The following EPHB1 variants were observed in gnomAD, a reference collection of about 807,000 sequenced individuals.
The protein encoded by EPHB1 is ephrin type-B receptor 1.
EPHB1 carries 30 observed loss-of-function variants against 94.4 expected under a neutral mutation model. The observed-to-expected ratio is 0.32, with a 90% confidence interval of 0.24 to 0.43. The LOEUF (loss-of-function observed/expected upper bound fraction) is 0.43. Among genes scored for constraint, EPHB1 ranks in the 20% least tolerant of loss-of-function variants. The probability of loss-of-function intolerance (pLI) is 1.00; values close to 1 mark genes in which losing one functional copy is unlikely to be tolerated. For missense variants in EPHB1, 1,055 were observed against 1,308.3 expected, an observed-to-expected ratio of 0.81 and a Z score of 2.99; for synonymous variants, 522 against 489.1, an observed-to-expected ratio of 1.07 and a Z score of -0.89.
intron 1 of EPHB1, among the ~76,000 whole-genome samples, chr3:134,851,958 C>A (rs2036994607): frequency 6.6e-6 from 1 of 152,194 alleles, no homozygotes; most frequent in Non-Finnish European, 1.5e-5. Context: ...GATCTTAATG[C>A]ATCCTTCTTT....
At position 135,162,197 on chromosome 3, in the gene EPHB1, G is replaced by A. The variant is rs955263724; in HGVS notation, c.1585+17G>A. ...TGACTGACGGTAAGGGTCGGGGAGG[G>A]CAGTGGCATAATCACAGGGCAGGCA... On this transcript the variant is annotated intron_variant, in intron 7 of 15. Transcript: ENST00000398015. The A allele has an allele frequency of 3.2e-6, 5 of 1,581,056 alleles. No homozygotes were observed. The African/African-American group carries it at 6.8e-5, about 21-fold the overall frequency.
intron 3 of EPHB1, among the ~76,000 whole-genome samples, chr3:134,982,947 C>T (rs551251225): frequency 7.9e-5 from 12 of 152,334 alleles, no homozygotes; most frequent in South Asian, 6.2e-4. Context: ...CAGCCTGACC[C>T]TGCATGCCCA....
In EPHB1 at chr3:135,187,670, C is replaced by T. The variant is rs774294431; in HGVS notation, c.1883-4906C>T. Among the ~76,000 whole-genome samples, 8 of 152,216 alleles carry T rather than the reference C, an allele frequency of 5.3e-5. No individual in the cohort carries two copies. The South Asian group carries it at 1.2e-3, about 24-fold the overall frequency. On this transcript the variant is annotated intron_variant, in intron 10 of 15. Transcript: ENST00000398015. ...CTATAAGGCTGTAGGTTGTGGTGTG[C>T]TCAAGGGCCAGAAACCCAGACTTTA... is the stretch of plus-strand genomic sequence containing the variant.
chr3:134,803,230 T>C (rs776483327), intron 1 of EPHB1, among the ~76,000 whole-genome samples: 2 of 152,212 alleles, frequency 1.3e-5, no homozygotes, highest in Non-Finnish European at 2.9e-5. Flanking sequence ...CCCCTCCCAC[T>C]TCCTGGCAGC....
rs549377689 is a variant in EPHB1, at chr3:134,909,400, T to C, written c.59-16416T>C. Among the ~76,000 whole-genome samples, 7 of 152,322 alleles carry C rather than the reference T, an allele frequency of 4.6e-5. No homozygotes were observed. In the South Asian group the frequency reaches 1.4e-3, roughly 32 times the overall value. ...AGCAAGCGGAGACTGCGTGACCACC[T>C]GGGTAGGGTGCTGTGGCCAAGGCTC... is the stretch of plus-strand genomic sequence containing the variant. On this transcript the variant is annotated intron_variant, in intron 1 of 15. Coordinates refer to ENST00000398015, the MANE Select transcript of EPHB1 (RefSeq NM_004441.5).
chr3:135,086,047 G>A (rs1938349183), intron 3 of EPHB1, among the ~76,000 whole-genome samples: 1 of 152,122 alleles, frequency 6.6e-6, no homozygotes, highest in Non-Finnish European at 1.5e-5. Context: ...AGAGAAGAAA[G>A]AAGCTTCCTA....
intron 12 of EPHB1, among the ~76,000 whole-genome samples, chr3:135,229,690 C>T (rs748443114): frequency 3.2e-4 from 49 of 152,172 alleles, no homozygotes; most frequent in Non-Finnish European, 5.9e-4. Flanking sequence ...TAAGCAGGGG[C>T]CAGTCTCCAT....
chr3:134,938,407 C>T (rs1393872530), intron 2 of EPHB1, among the ~76,000 whole-genome samples: 2 of 152,190 alleles, frequency 1.3e-5, no homozygotes, highest in Admixed American at 6.5e-5. Context: ...CTTCAGAGCT[C>T]GTGCCCTGCT....
At chr3:135,043,263 T>A (rs1010752912) in intron 3 of EPHB1, among the ~76,000 whole-genome samples, 1 of 148,084 alleles carries the variant, frequency 6.8e-6, no homozygotes, top group Non-Finnish European at 1.5e-5. Flanking sequence ...AAATAATAAA[T>A]AATAATAATA....
chr3:134,917,416 A>G (rs1380422281), intron 1 of EPHB1, among the ~76,000 whole-genome samples: 1 of 152,172 alleles, frequency 6.6e-6, no homozygotes, highest in African/African-American at 2.4e-5. Flanking sequence ...GGAGGGAGAG[A>G]AATGGCTCTG....
chr3:135,097,778 T>G (rs905181895), intron 3 of EPHB1, among the ~76,000 whole-genome samples: 6 of 152,206 alleles, frequency 3.9e-5, no homozygotes, highest in African/African-American at 1.4e-4. Flanking sequence ...AGGCAAGAAC[T>G]GGAGACTCAT....
intron 3 of EPHB1, among the ~76,000 whole-genome samples, chr3:135,104,928 G>A (rs1170108981): frequency 6.6e-6 from 1 of 152,224 alleles, no homozygotes; most frequent in Non-Finnish European, 1.5e-5. Context: ...TAGCAGAAAA[G>A]CAGTGGATAT....
At chr3:134,986,909 A>G (rs2107736081) in intron 3 of EPHB1, among the ~76,000 whole-genome samples, 1 of 152,302 alleles carries the variant, frequency 6.6e-6, no homozygotes, top group South Asian at 2.1e-4. Context: ...TCTTTGTGAA[A>G]ATCTCACCAC....
chr3:134,972,967 T>C (rs1184404941), intron 3 of EPHB1, among the ~76,000 whole-genome samples: 1 of 152,220 alleles, frequency 6.6e-6, no homozygotes, highest in Non-Finnish European at 1.5e-5. Flanking sequence ...ACATCCCAGG[T>C]TGGGCCTCAG....
At chr3:135,012,048 G>A (rs957500484) in intron 3 of EPHB1, among the ~76,000 whole-genome samples, 1 of 152,142 alleles carries the variant, frequency 6.6e-6, no homozygotes, top group African/African-American at 2.4e-5. Context: ...GTCTGTCAGA[G>A]TCTTCTATAT....
chr3:135,196,707 G>A (rs1942628312), intron 11 of EPHB1, among the ~76,000 whole-genome samples: 1 of 152,070 alleles, frequency 6.6e-6, no homozygotes, highest in South Asian at 2.1e-4. Flanking sequence ...TCAATTTCTG[G>A]AACTGTTTCC....
intron 5 of EPHB1, among the ~76,000 whole-genome samples, chr3:135,153,517 G>C (rs1941257234): frequency 6.6e-6 from 1 of 152,114 alleles, no homozygotes; most frequent in Non-Finnish European, 1.5e-5. Flanking sequence ...TTATACTTGT[G>C]AACTCCTTAT....
At position 135,150,743 on chromosome 3, in the gene EPHB1, T is replaced by G. The variant is rs1214053909; in HGVS notation, c.1298-3409T>G. 2.0e-5 allele frequency among the ~76,000 whole-genome samples: 3 copies of G among 152,204 alleles called. No homozygotes were observed. In the East Asian group the frequency reaches 5.8e-4, roughly 29 times the overall value. The stretch of plus-strand genomic sequence containing the variant: ...TTCTATCTATTGATTCTCTTGGTGA[T>G]CTCTGCAAGTTCCACTTATTTCAAT... On this transcript the variant is annotated intron_variant, in intron 5 of 15. Coordinates refer to ENST00000398015, the MANE Select transcript of EPHB1 (RefSeq NM_004441.5).
Position 135,180,857 on chromosome 3 carries a change from G to A in EPHB1, c.1882+875G>A, listed in dbSNP as rs139470768. ...TTTATTTTCTTCTGCAACATTCTTC[G>A]TCTTTTCTTCCTCTTCAATTCTTGT... On this transcript the variant is annotated intron_variant, in intron 10 of 15. Coordinates refer to ENST00000398015, the MANE Select transcript of EPHB1 (RefSeq NM_004441.5). 7.8e-3 allele frequency among the ~76,000 whole-genome samples: 1,193 copies of A among 152,144 alleles called. 4 individuals are homozygous for A. Among genetic ancestry groups the A allele is most frequent in the Non-Finnish European group, 0.012 (840 of 67,986 alleles).
Sources: allele counts gnomAD v4.1 joint callset (sites outside exome capture counted in the v4.1 genomes callset), GRCh38; gene constraint gnomAD v4.1.1; transcripts MANE v1.5; gene names NCBI Gene and HGNC (gene_info 2026-07-23, HGNC 2026-07-21).